The following RAI14 variants were observed in gnomAD, a reference collection of about 807,000 sequenced individuals.
RAI14 encodes the protein ankycorbin.
RAI14 carries 45 observed loss-of-function variants against 115.4 expected under a neutral mutation model. The observed-to-expected ratio is 0.39, with a 90% CI of 0.31 to 0.50. RAI14 has a LOEUF of 0.50. Ranked by LOEUF, RAI14 falls within the 20% of genes least tolerant of loss-of-function variation. The pLI, the probability that RAI14 is intolerant of heterozygous loss-of-function variation, is 0.85. For missense variants in RAI14, 939 were observed against 1,131.2 expected (o/e 0.83, Z 2.44); for synonymous variants, 371 against 415.4 (o/e 0.89, Z 1.30).
chr5:34,736,207 G>C (rs116584424), intron 2 of RAI14, among the ~76,000 whole-genome samples: 5,970 of 152,208 alleles, frequency 0.039, 158 homozygotes, highest in South Asian at 0.079. Flanking sequence ...TCGACACCAG[G>C]CTGGCCAACA....
intron 2 of RAI14, among the ~76,000 whole-genome samples, chr5:34,692,451 G>A (rs995211303): frequency 1.3e-5 from 2 of 150,220 alleles, no homozygotes; most frequent in Admixed American, 1.3e-4. Context: ...AGTCTCTGGC[G>A]TGAACCTGGG....
At chr5:34,664,446 G>C (rs974583071) in intron 1 of RAI14, among the ~76,000 whole-genome samples, 4 of 147,126 alleles carry the variant, frequency 2.7e-5, no homozygotes, top group Non-Finnish European at 6.0e-5. Flanking sequence ...GAAAAAAATT[G>C]ACATTTAGTG....
At chr5:34,786,852 G>A (rs1165629191) in intron 3 of RAI14, among the ~76,000 whole-genome samples, 4 of 152,182 alleles carry the variant, frequency 2.6e-5, no homozygotes, top group African/African-American at 4.8e-5. Flanking sequence ...GGGTCTCACA[G>A]CCTTCAGAGC....
chr5:34,708,292 TC>T (rs1402309507), intron 2 of RAI14, among the ~76,000 whole-genome samples: 2 of 151,002 alleles, frequency 1.3e-5, no homozygotes, highest in Non-Finnish European at 2.9e-5. Flanking sequence ...AACCTCTGCC[TC>T]CCGCGTTCAA....
At chr5:34,685,585 C>T (rs1429951016) in intron 1 of RAI14, 2 of 148,928 alleles carry the variant, frequency 1.3e-5, no homozygotes, top group East Asian at 4.0e-4. Context: ...AAAAAAAAAA[C>T]TATATAGGGC....
At chr5:34,745,368 T>C (rs1746025933) in intron 2 of RAI14, among the ~76,000 whole-genome samples, 2 of 152,216 alleles carry the variant, frequency 1.3e-5, no homozygotes, top group Admixed American at 6.5e-5. Context: ...CCTCATCTCA[T>C]GCTTTTCACC....
chr5:34,813,444 T>G, intron 10 of RAI14, 130 bp from the exon 11 acceptor site: 1 of 566,016 alleles, frequency 1.8e-6, no homozygotes. Context: ...GGTAGCAGAT[T>G]TCAGATTTTG....
At chr5:34,752,850 C>T (rs1423069490) in intron 2 of RAI14, among the ~76,000 whole-genome samples, 3 of 150,580 alleles carry the variant, frequency 2.0e-5, no homozygotes, top group African/African-American at 7.4e-5. Context: ...TCACTGCAAC[C>T]TCCACCTCCC....
chr5:34,687,440 C>T (rs1737982341), intron 2 of RAI14: 3 of 697,426 alleles, frequency 4.3e-6, no homozygotes, highest in South Asian at 8.0e-5. Context: ...TACCTTTCCT[C>T]CCCCCGAATT....
rs1580374193 is a variant in RAI14 at position 34,824,028 on chromosome 5, C to T, written c.2186C>T (p.Ser729Phe). 6.2e-7 allele frequency: 1 copy of T among 1,614,054 alleles called. No homozygotes were observed. The highest frequency in any genetic ancestry group is 8.5e-7 in the Non-Finnish European group (1 of 1,179,950). ...GATGCACAAAAAGAGAACTCTGTCT[C>T]TATCACAGAACATTTGCAAGTGATA... Reference protein sequence around the residue: ...LVDAQKENSVSITEHLQVITT... With the variant: ...LVDAQKENSVFITEHLQVITT... The change falls in exon 15 of 18, where the codon TCT becomes TTT. Residue 729 changes from serine to phenylalanine, a missense_variant. Coordinates refer to ENST00000265109, the MANE Select transcript of RAI14 (RefSeq NM_015577.3).
rs770006058 is a variant in RAI14 at position 34,808,605 on chromosome 5, C to G, written c.401C>G (p.Ala134Gly). ...HYAAAQGCLQAVQILCEHKSP... is the reference protein window; with the variant it reads ...HYAAAQGCLQGVQILCEHKSP... ...CCAGCGGCTCAGGGCTGCCTTCAAG[C>G]TGTGCAGATTCTCTGCGAACACAAG... The change falls in exon 7 of 18, where the codon GCT becomes GGT. Residue 134 changes from alanine to glycine, a missense_variant. Physicochemically the swap from Ala to Gly is moderately conservative, Grantham distance 60. Transcript: ENST00000265109. 17 of 1,614,106 alleles carry G rather than the reference C, an allele frequency of 1.1e-5. No individual in the cohort carries two copies. The Admixed American group carries it at 1.7e-4, about 16-fold the overall frequency.
At chr5:34,687,056 T>C (rs1744972080) in intron 2 of RAI14, 101 bp downstream of exon 2, 1 of 1,284,308 alleles carries the variant, frequency 7.8e-7, no homozygotes, top group East Asian at 2.4e-5. Context: ...GTTAATAAAC[T>C]ACAGACACTC....
chr5:34,689,595 G>A (rs562579420), intron 2 of RAI14, among the ~76,000 whole-genome samples: 2 of 151,978 alleles, frequency 1.3e-5, no homozygotes, highest in East Asian at 2.0e-4. Context: ...AATGTTGGCC[G>A]GGTGTGGTGA....
chr5:34,826,868 T>C (rs1757506161), intron 16 of RAI14, among the ~76,000 whole-genome samples: 1 of 152,210 alleles, frequency 6.6e-6, no homozygotes, highest in South Asian at 2.1e-4. Flanking sequence ...TCTATATATC[T>C]GAAGCTGCTT....
Position 34,816,166 on chromosome 5 carries a change from C to T in RAI14, c.939+1497C>T, listed in dbSNP as rs562455691. Among the ~76,000 whole-genome samples the T allele has an allele frequency of 4.6e-5, 7 of 152,188 alleles. No homozygotes were observed. The South Asian group carries it at 1.5e-3, about 32-fold the overall frequency. On this transcript the variant is annotated intron_variant, in intron 12 of 17. Coordinates refer to ENST00000265109, the MANE Select transcript of RAI14 (RefSeq NM_015577.3). ...TAGATAGTAGTAATTTACCAATTGA[C>T]AAATGTATAATGGCTACATCTGTTG...
chr5:34,661,311 A>G (rs918439680), intron 1 of RAI14, among the ~76,000 whole-genome samples: 1 of 152,170 alleles, frequency 6.6e-6, no homozygotes, highest in African/African-American at 2.4e-5. Context: ...GTACTAGATT[A>G]TGAGCTCTAC....
At chr5:34,769,144 T>A (rs188607873) in intron 3 of RAI14, among the ~76,000 whole-genome samples, 2 of 152,310 alleles carry the variant, frequency 1.3e-5, no homozygotes, top group Admixed American at 1.3e-4. Flanking sequence ...TGTTTTTTTT[T>A]ATAGCATTCA....
At chr5:34,815,000 A>C (rs1756036226) in intron 12 of RAI14, among the ~76,000 whole-genome samples, 1 of 152,200 alleles carries the variant, frequency 6.6e-6, no homozygotes, top group Admixed American at 6.5e-5. Context: ...GAATCCCAGC[A>C]CTTTGGGAGG....
intron 6 of RAI14, among the ~76,000 whole-genome samples, chr5:34,808,362 C>T (rs1027502386): frequency 1.3e-5 from 2 of 152,222 alleles, no homozygotes; most frequent in Non-Finnish European, 2.9e-5. Context: ...TGCCTAAAGG[C>T]AACTGGCAGT....
Sources: allele counts gnomAD v4.1 joint callset (sites outside exome capture counted in the v4.1 genomes callset), GRCh38; gene constraint gnomAD v4.1.1; transcripts MANE v1.5; gene names NCBI Gene and HGNC (gene_info 2026-07-23, HGNC 2026-07-21).